Variants in SPTA1 observed in about 807,000 individuals in gnomAD.
The protein encoded by SPTA1 is spectrin alpha chain, erythrocytic 1.
A neutral mutation model predicts 324.7 loss-of-function variants in SPTA1; 177 were observed. That is an observed-to-expected ratio of 0.55 (90% CI 0.48 to 0.62). SPTA1 has a LOEUF of 0.62. Ranked by LOEUF, SPTA1 falls within the 20% of genes least tolerant of loss-of-function variation. The pLI, the probability that SPTA1 is intolerant of heterozygous loss-of-function variation, is 0.00. For missense variants in SPTA1, 3,162 were observed against 2,883.6 expected, an observed-to-expected ratio of 1.10 and a Z score of -2.21; for synonymous variants, 1,195 against 1,041.3, an observed-to-expected ratio of 1.15 and a Z score of -2.84.
At chr1:158,651,224 C>T in intron 24 of SPTA1, 143 bp downstream of exon 24, 2 of 693,584 alleles carry the variant, frequency 2.9e-6, no homozygotes. Context: ...TGTCTTTGGC[C>T]TTTCCTGTAG....
chr1:158,648,079 C>T (rs1195357042), intron 26 of SPTA1, among the ~76,000 whole-genome samples: 1 of 152,104 alleles, frequency 6.6e-6, no homozygotes, highest in Non-Finnish European at 1.5e-5. Flanking sequence ...CTGACAAGCT[C>T]CAGAGTACAC....
intron 43 of SPTA1, 104 bp from the exon 44 acceptor site, chr1:158,620,570 G>T (rs745944289): frequency 7.0e-7 from 1 of 1,425,300 alleles, no homozygotes; most frequent in Non-Finnish European, 9.6e-7. Flanking sequence ...TATCTGCAGG[G>T]CCACCAATCT....
intron 39 of SPTA1, among the ~76,000 whole-genome samples, chr1:158,628,091 A>G (rs1486088993): frequency 2.0e-5 from 3 of 152,178 alleles, no homozygotes; most frequent in Non-Finnish European, 2.9e-5. Context: ...AAAATTTAGT[A>G]TCAAGAACAT....
Position 158,642,923 on chromosome 1 carries a change from T to G in SPTA1, c.4496A>C (p.Tyr1499Ser). ...TCGGTAGAATTGTTTTAGGTTGGCATAGTCTCCAAGCTTTGTCCGCTCATC... is the reference window on the plus strand; with the variant it reads ...TCGGTAGAATTGTTTTAGGTTGGCAGAGTCTCCAAGCTTTGTCCGCTCATC... ...LIDERTKLGDYANLKQFYRDL... is the reference protein window; with the variant it reads ...LIDERTKLGDSANLKQFYRDL... Residue 1499 changes from tyrosine (Y) to serine (S), a missense_variant, in exon 32 of 52, where the codon TAT becomes TCT. Physicochemically the swap from Tyr to Ser is moderately radical, Grantham distance 144. Transcript: ENST00000643759. 6 of 1,613,848 alleles carry G rather than the reference T, an allele frequency of 3.7e-6. No homozygotes were observed. Among genetic ancestry groups the G allele is most frequent in the African/African-American group, 1.3e-5 (1 of 75,012 alleles).
chr1:158,612,862 G>A lies in SPTA1; in HGVS notation c.7089C>T (p.Ala2363=), dbSNP rs553564097. The A allele has an allele frequency of 3.0e-5, 48 of 1,613,906 alleles. No individual in the cohort carries two copies. Among genetic ancestry groups the A allele is most frequent in the Middle Eastern group, 1.6e-4 (1 of 6,062 alleles). Residue 2363 remains alanine (A), a synonymous_variant, in exon 51 of 52, where the codon GCC becomes GCT. Transcript: ENST00000643759. ...SSDEIENAFQ[A]LAEGKSYITK... ...TAATATATGACTTGCCCTCTGCCAG[G>A]GCTTGGAAGGCATTCTCTATTTCAT... is the stretch of plus-strand genomic sequence containing the variant.
intron 16 of SPTA1, 34 bp downstream of exon 16, chr1:158,666,282 T>A (rs749629823): frequency 6.2e-7 from 1 of 1,611,932 alleles, no homozygotes; most frequent in Admixed American, 1.7e-5. Flanking sequence ...TATACACCCA[T>A]TGCTTATGGC....
rs375568203 is a variant in SPTA1 at position 158,666,445 on chromosome 1, T to G, written c.2091A>C (p.Glu697Asp). The G allele has an allele frequency of 3.7e-6, 6 of 1,613,002 alleles. No individual in the cohort carries two copies. Among genetic ancestry groups the G allele is most frequent in the Non-Finnish European group, 5.1e-6 (6 of 1,179,960 alleles). The change falls in exon 16 of 52, where the codon GAA (glutamate) becomes GAC (aspartate). Residue 697 changes from glutamate to aspartate, a missense_variant. Glu to Asp is a conservative substitution (Grantham distance 45). Transcript: ENST00000643759. The part of the protein sequence containing the change: ...NQQLQFENNA[E>D]DLQRWLEDVE... Reference sequence around the variant, plus strand: ...CATCCTCCAGCCAGCGCTGCAAATCTTCTGCATTATTTTCAAATTGCAGCT... The same window carrying G: ...CATCCTCCAGCCAGCGCTGCAAATCGTCTGCATTATTTTCAAATTGCAGCT...
At chr1:158,678,642 A>G in intron 5 of SPTA1, 108 bp from the exon 6 acceptor site, 1 of 1,356,992 alleles carries the variant, frequency 7.4e-7, no homozygotes, top group African/African-American at 1.4e-5. Flanking sequence ...AGAAGTGAAA[A>G]CTGACCATTG....
rs73022006 is a variant in SPTA1, at chr1:158,686,467, T to C, written c.24+27A>G. 0.014 allele frequency: 20,121 copies of C among 1,476,852 alleles called. 2,232 individuals are homozygous for C. In the African/African-American group the frequency reaches 0.24, roughly 18 times the overall value. 91.5% of individuals were successfully genotyped at this position (1,476,852 alleles called of 1,614,324 possible). On this transcript the variant is annotated intron_variant, in intron 1 of 51. Coordinates refer to ENST00000643759, the MANE Select transcript of SPTA1 (RefSeq NM_003126.4). Reference sequence around the variant, plus strand: ...CTTTCCTAATAATATTAATGACAAATTGCATGGAAGAGAAATATGTACTTA... The same window carrying C: ...CTTTCCTAATAATATTAATGACAAACTGCATGGAAGAGAAATATGTACTTA...
intron 23 of SPTA1, 74 bp from the exon 24 acceptor site, chr1:158,651,542 C>T (rs1652434972): frequency 1.0e-6 from 1 of 978,302 alleles, no homozygotes; most frequent in Non-Finnish European, 1.7e-6. Context: ...AAGAATCTAC[C>T]ATACTTACCT....
chr1:158,637,968 A>G, intron 36 of SPTA1, 65 bp downstream of exon 36: 1 of 1,548,082 alleles, frequency 6.5e-7, no homozygotes, highest in East Asian at 2.2e-5. Context: ...CATAAATTGG[A>G]ACAAGTTTGG....
At chr1:158,654,777 T>C in intron 20 of SPTA1, 29 bp from the exon 21 acceptor site, 1 of 1,611,894 alleles carries the variant, frequency 6.2e-7, no homozygotes. Context: ...CAGGTGTCAG[T>C]CACGCACTGG....
intron 48 of SPTA1, 115 bp downstream of exon 48, chr1:158,615,101 T>G (rs990270001): frequency 8.6e-7 from 1 of 1,157,564 alleles, no homozygotes; most frequent in Non-Finnish European, 1.3e-6. Flanking sequence ...ACCCAGAATA[T>G]TGGTTCTCTG....
rs199815523 is a variant in SPTA1, at chr1:158,666,376, G to A, written c.2160C>T (p.Ala720=). The change falls in exon 16 of 52, where the codon GCC becomes GCT. Residue 720 remains alanine, a synonymous_variant. Coordinates refer to ENST00000643759, the MANE Select transcript of SPTA1 (RefSeq NM_003126.4). The part of the protein sequence containing the change: ...VTSEDYGKGL[A]EVQNRLRKHG... ...GTTTCCTGAGTCGATTCTGTACCTC[G>A]GCCAGGCCTTTCCCATAATCCTCAG... The A allele has an allele frequency of 7.1e-5, 114 of 1,613,818 alleles. No individual in the cohort carries two copies. The East Asian group carries it at 1.2e-3, about 17-fold the overall frequency.
rs3039789 is a variant in SPTA1 at position 158,668,075 on chromosome 1, G to GA, written c.1834-14dup. On this transcript the variant is annotated splice_polypyrimidine_tract_variant and intron_variant, in intron 14 of 51. Transcript: ENST00000643759. ...AGTTCTGTATGTCCTGAGATAAGATGAAAAAAAAAAAAAAAACCATTACCT... is the reference window on the plus strand; with the variant it reads ...AGTTCTGTATGTCCTGAGATAAGATGAAAAAAAAAAAAAAAAACCATTACCT... 0.033 allele frequency: 48,329 copies of GA among 1,452,082 alleles called. 23 individuals carry two copies. The highest frequency in any genetic ancestry group is 0.074 in the South Asian group (5,893 of 79,686). 89.9% of individuals were successfully genotyped at this position (1,452,082 alleles called of 1,614,324 possible). A position where few individuals can be genotyped will look rare whatever the true frequency, so the allele number is the denominator to read the frequency against.
chr1:158,630,464 CT>C (rs1650597383), intron 39 of SPTA1, among the ~76,000 whole-genome samples: 1 of 152,002 alleles, frequency 6.6e-6, no homozygotes. Flanking sequence ...AAATAAGACC[CT>C]TATGCCATAC....
intron 3 of SPTA1, among the ~76,000 whole-genome samples, chr1:158,682,945 A>G (rs1304952906): frequency 6.6e-6 from 1 of 152,200 alleles, no homozygotes; most frequent in African/African-American, 2.4e-5. Context: ...GAAAAGAAAG[A>G]GGCATCATAG....
Position 158,618,029 on chromosome 1 carries a change from A to G in SPTA1, c.6548+10T>C, listed in dbSNP as rs184477707. ...ATAAAGCAAACATGATGATAACATA[A>G]AATACTGACCCATCCAGAAAGTAAG... On this transcript the variant is annotated intron_variant, in intron 46 of 51. Transcript: ENST00000643759. 18 of 1,611,218 alleles carry G rather than the reference A, an allele frequency of 1.1e-5. No individual in the cohort carries two copies. The highest frequency in any genetic ancestry group is 6.7e-5 in the Admixed American group (4 of 60,016).
At chr1:158,622,265 TGTA>T (rs1159809676) in intron 43 of SPTA1, among the ~76,000 whole-genome samples, 1 of 152,290 alleles carries the variant, frequency 6.6e-6, no homozygotes, top group Non-Finnish European at 1.5e-5. Flanking sequence ...TTTATATGGA[TGTA>T]GTAATGTAAT....
Sources: gnomAD v4.1 joint callset for allele counts (sites outside exome capture counted in the v4.1 genomes callset) on GRCh38, gnomAD v4.1.1 for gene constraint, MANE v1.5 for transcripts, NCBI Gene and HGNC (gene_info 2026-07-23, HGNC 2026-07-21) for gene names.